The following POU2F1 variants were observed in gnomAD, a reference collection of about 807,000 sequenced individuals.
POU2F1 encodes the protein POU domain, class 2, transcription factor 1.
Under a neutral mutation model 84.9 loss-of-function variants are expected in POU2F1, and 16 were observed. The observed-to-expected ratio is 0.19, with a 90% CI of 0.13 to 0.29. The LOEUF (loss-of-function observed/expected upper bound fraction) is 0.29. POU2F1 is among the 10% of genes least tolerant of loss of function. POU2F1 has a pLI of 1.00. For synonymous variants in POU2F1, 368 were observed against 368.3 expected (o/e 1.00, Z 0.01); for missense variants, 738 against 942.6 (o/e 0.78, Z 2.84).
At position 167,342,062 on chromosome 1, in the gene POU2F1, T is replaced by TG. The variant is rs573797241; in HGVS notation, c.127+9532dup. ...TTCATGTCTTCTGGAGCCTGGGGTC[T>TG]GGGGGTTATATGGAGCCACGATAGT... On this transcript the variant is annotated intron_variant, in intron 2 of 15. Transcript: ENST00000367866. Among the ~76,000 whole-genome samples, 1,112 of 152,232 alleles carry TG rather than the reference T, an allele frequency of 7.3e-3. 16 individuals carry two copies. The highest frequency in any genetic ancestry group is 0.025 in the African/African-American group (1,048 of 41,522).
intron 1 of POU2F1, among the ~76,000 whole-genome samples, chr1:167,298,257 A>T (rs1034808427): frequency 1.3e-5 from 2 of 152,116 alleles, no homozygotes; most frequent in Non-Finnish European, 2.9e-5. Context: ...TGACTCCAGG[A>T]TTTTTTTCTT....
chr1:167,239,947 C>CT (rs1172493475), intron 1 of POU2F1, among the ~76,000 whole-genome samples: 105 of 140,994 alleles, frequency 7.4e-4, no homozygotes, highest in Middle Eastern at 3.8e-3. Context: ...GATGGAAAGG[C>CT]TTTTTTTTTT....
intron 1 of POU2F1, among the ~76,000 whole-genome samples, chr1:167,241,841 G>C (rs1470543915): frequency 6.6e-6 from 1 of 152,170 alleles, no homozygotes; most frequent in Non-Finnish European, 1.5e-5. Context: ...AACATAACTG[G>C]AAAGTGGTAG....
At chr1:167,401,336 C>G in intron 12 of POU2F1, 115 bp from the exon 13 acceptor site, 1 of 618,544 alleles carries the variant, frequency 1.6e-6, no homozygotes, top group Non-Finnish European at 2.8e-6. Flanking sequence ...TAGCAGCTTT[C>G]CAACATAGGA....
At chr1:167,235,537 G>A (rs1442026270) in intron 1 of POU2F1, among the ~76,000 whole-genome samples, 1 of 152,190 alleles carries the variant, frequency 6.6e-6, no homozygotes, top group African/African-American at 2.4e-5. Flanking sequence ...ATGCCATCAG[G>A]ACCAGTACGA....
At chr1:167,402,911 G>A (rs770327600) in intron 13 of POU2F1, among the ~76,000 whole-genome samples, 1 of 152,050 alleles carries the variant, frequency 6.6e-6, no homozygotes, top group Non-Finnish European at 1.5e-5. Flanking sequence ...ATTGCTTTAG[G>A]TCTAAAAATA....
chr1:167,227,899 A>G (rs1648758559), intron 1 of POU2F1, among the ~76,000 whole-genome samples: 1 of 152,224 alleles, frequency 6.6e-6, no homozygotes, highest in Non-Finnish European at 1.5e-5. Context: ...TTTAGATATA[A>G]TCTTTGCTAA....
intron 7 of POU2F1, among the ~76,000 whole-genome samples, chr1:167,377,531 G>A (rs1660414679): frequency 6.6e-6 from 1 of 152,190 alleles, no homozygotes; most frequent in Admixed American, 6.5e-5. Context: ...AGCTTGCAGT[G>A]AGCCAAGATT....
chr1:167,240,208 C>A (rs967369934), intron 1 of POU2F1, among the ~76,000 whole-genome samples: 6 of 152,022 alleles, frequency 3.9e-5, no homozygotes, highest in Non-Finnish European at 5.9e-5. Flanking sequence ...ACAAATACCC[C>A]AGTAGTCGAA....
intron 14 of POU2F1, 94 bp downstream of exon 14, chr1:167,412,398 A>G (rs1248960873): frequency 4.5e-6 from 5 of 1,109,064 alleles, no homozygotes; most frequent in Middle Eastern, 2.8e-4. Context: ...TTAGATGGGG[A>G]AAAAAATGTC....
intron 2 of POU2F1, among the ~76,000 whole-genome samples, chr1:167,351,866 C>T (rs1314619578): frequency 6.6e-6 from 1 of 152,136 alleles, no homozygotes; most frequent in African/African-American, 2.4e-5. Flanking sequence ...GTAATGTTTC[C>T]TCTCTCATTT....
At chr1:167,327,346 T>C (rs914557607) in intron 1 of POU2F1, among the ~76,000 whole-genome samples, 1 of 152,184 alleles carries the variant, frequency 6.6e-6, no homozygotes, top group Non-Finnish European at 1.5e-5. Context: ...GGAAGGAACT[T>C]AAACAGGTAT....
At chr1:167,388,966 AC>A (rs1283872416) in intron 8 of POU2F1, among the ~76,000 whole-genome samples, 1 of 152,136 alleles carries the variant, frequency 6.6e-6, no homozygotes, top group Non-Finnish European at 1.5e-5. Flanking sequence ...TGTTAAAACA[AC>A]GTTAAATAAG....
intron 2 of POU2F1, chr1:167,338,352 T>C: frequency 2.5e-6 from 1 of 396,126 alleles, no homozygotes; most frequent in Non-Finnish European, 5.0e-6. Flanking sequence ...TTTAGTCAAC[T>C]GTTTATGTTA....
chr1:167,338,572 T>C (rs1291450894), intron 2 of POU2F1, among the ~76,000 whole-genome samples: 1 of 152,180 alleles, frequency 6.6e-6, no homozygotes, highest in East Asian at 1.9e-4. Flanking sequence ...CAAAATAGTA[T>C]ACTATCACCA....
chr1:167,224,825 C>CTTT lies in POU2F1; in HGVS notation c.61+3885_61+3887dup, dbSNP rs774351969. ...CTAGGAAATCCATTGTCACTGTCTT[C>CTTT]TTTTTTTTTTTTTTTTTTTTCCAGA... On this transcript the variant is annotated intron_variant, in intron 1 of 15. Coordinates refer to ENST00000367866, the MANE Select transcript of POU2F1 (RefSeq NM_002697.4). Among the ~76,000 whole-genome samples the CTTT allele has an allele frequency of 1.6e-4, 19 of 122,186 alleles. 1 individual carries two copies. The highest frequency in any genetic ancestry group is 2.2e-4 in the Non-Finnish European group (13 of 59,426). 80.2% of individuals were successfully genotyped at this position (122,186 alleles called of 152,430 possible). A position where few individuals can be genotyped will look rare whatever the true frequency, so the allele number is the denominator to read the frequency against.
chr1:167,226,612 TC>T (rs1299178354), intron 1 of POU2F1, among the ~76,000 whole-genome samples: 4 of 152,214 alleles, frequency 2.6e-5, no homozygotes, highest in African/African-American at 9.6e-5. Flanking sequence ...ACTTACTTGA[TC>T]CGTTTACAGT....
At chr1:167,221,886 C>T (rs967403188) in intron 1 of POU2F1, among the ~76,000 whole-genome samples, 3 of 151,758 alleles carry the variant, frequency 2.0e-5, no homozygotes, top group African/African-American at 7.3e-5. Flanking sequence ...GGGATGTCCT[C>T]TGGGGCGGCC....
intron 5 of POU2F1, 125 bp from the exon 6 acceptor site, chr1:167,373,983 T>TCA: frequency 1.2e-6 from 1 of 821,690 alleles, no homozygotes; most frequent in African/African-American, 1.7e-5. Flanking sequence ...AGCTGTCTGC[T>TCA]AAGCAAGTGA....
Sources: allele counts gnomAD v4.1 joint callset (sites outside exome capture counted in the v4.1 genomes callset), GRCh38; gene constraint gnomAD v4.1.1; transcripts MANE v1.5; gene names NCBI Gene and HGNC (gene_info 2026-07-23, HGNC 2026-07-21).